PSD3: variants seen among roughly 807,000 people sequenced by gnomAD.
PSD3 encodes the protein PH and SEC7 domain-containing protein 3.
In PSD3, 49 loss-of-function variants were observed where a neutral mutation model predicts 105.5. The ratio of observed to expected loss-of-function variants is 0.46; its 90% CI spans 0.37 to 0.59. PSD3 has a LOEUF of 0.59. PSD3 is among the 20% of genes least tolerant of loss of function. PSD3 has a pLI of 0.00. For missense variants in PSD3, 1,561 were observed against 1,263.8 expected (o/e 1.24, Z -3.57); for synonymous variants, 557 against 457.8 (o/e 1.22, Z -2.77).
intron 9 of PSD3, among the ~76,000 whole-genome samples, chr8:18,683,274 A>T (rs1800484215): frequency 6.6e-6 from 1 of 152,190 alleles, no homozygotes; most frequent in Non-Finnish European, 1.5e-5. Context: ...ACCACTCTAA[A>T]CCTGACATGA....
At chr8:18,741,190 C>G (rs934954653) in intron 9 of PSD3, among the ~76,000 whole-genome samples, 1 of 152,150 alleles carries the variant, frequency 6.6e-6, no homozygotes, top group Non-Finnish European at 1.5e-5. Flanking sequence ...GTACGAGTTA[C>G]GGTCCAGAGA....
rs547823520 is a variant in PSD3 at position 18,995,838 on chromosome 8, C to T, written c.21+17725G>A. ...AGAAACAGCAGGGAAAAACCCACCC[C>T]CATGATTCAATTACCTCCCACCAGG... is the stretch of plus-strand genomic sequence containing the variant. On this transcript the variant is annotated intron_variant, in intron 1 of 15. Transcript: ENST00000327040. Among the ~76,000 whole-genome samples the T allele has an allele frequency of 3.3e-5, 5 of 152,004 alleles. No homozygotes were observed. The South Asian group carries it at 1.1e-3, about 32-fold the overall frequency.
intron 1 of PSD3, among the ~76,000 whole-genome samples, chr8:19,011,022 C>A (rs1366069949): frequency 6.6e-6 from 1 of 151,490 alleles, no homozygotes; most frequent in Non-Finnish European, 1.5e-5. Context: ...AGACTTTGGT[C>A]ACCAGATTAT....
At chr8:18,786,015 G>A (rs896481973) in intron 8 of PSD3, among the ~76,000 whole-genome samples, 2 of 152,176 alleles carry the variant, frequency 1.3e-5, no homozygotes, top group East Asian at 1.9e-4. Context: ...ACTGCAAAGT[G>A]TAATAAAGCA....
At chr8:19,005,687 C>CT (rs1256061258) in intron 1 of PSD3, among the ~76,000 whole-genome samples, 1 of 151,864 alleles carries the variant, frequency 6.6e-6, no homozygotes, top group Non-Finnish European at 1.5e-5. Flanking sequence ...GGGTCTCACT[C>CT]TATGTTGCCC....
intron 1 of PSD3, among the ~76,000 whole-genome samples, chr8:19,038,568 C>A (rs1375101043): frequency 6.6e-6 from 1 of 152,094 alleles, no homozygotes; most frequent in East Asian, 1.9e-4. Flanking sequence ...TCAAGCGATC[C>A]CCCTGTCTCA....
chr8:18,920,688 C>T (rs1052728936), intron 2 of PSD3, among the ~76,000 whole-genome samples: 1 of 152,148 alleles, frequency 6.6e-6, no homozygotes, highest in African/African-American at 2.4e-5. Flanking sequence ...ACATGAATGT[C>T]CAACAGGACA....
intron 14 of PSD3, among the ~76,000 whole-genome samples, chr8:18,559,927 T>C (rs534497260): frequency 6.6e-6 from 1 of 152,328 alleles, no homozygotes; most frequent in Non-Finnish European, 1.5e-5. Flanking sequence ...ATTTAGGCTA[T>C]ATTTTTACAA....
intron 9 of PSD3, among the ~76,000 whole-genome samples, chr8:18,719,242 G>C (rs887743398): frequency 9.9e-5 from 15 of 152,068 alleles, no homozygotes; most frequent in African/African-American, 3.6e-4. Flanking sequence ...AGTTTCCTGG[G>C]TACAATACAC....
rs192136809 is a variant in PSD3 at position 18,976,334 on chromosome 8, C to T, written c.21+37229G>A. On this transcript the variant is annotated intron_variant, in intron 1 of 15. Transcript: ENST00000327040. ...TTATTATTAAATAAATTACAAATTA[C>T]ATTGAAATACTATTTTTCACCAATT... 2.6e-3 allele frequency among the ~76,000 whole-genome samples: 399 copies of T among 152,274 alleles called. 2 individuals are homozygous for T. Among genetic ancestry groups the T allele is most frequent in the African/African-American group, 9.2e-3 (381 of 41,552 alleles).
chr8:19,066,211 A>G (rs1829071349), intron 1 of PSD3, among the ~76,000 whole-genome samples: 1 of 152,196 alleles, frequency 6.6e-6, no homozygotes, highest in Non-Finnish European at 1.5e-5. Flanking sequence ...CAACTGGTAG[A>G]TACTAGTTAG....
At chr8:18,562,151 G>A (rs1801430582) in intron 14 of PSD3, among the ~76,000 whole-genome samples, 1 of 152,160 alleles carries the variant, frequency 6.6e-6, no homozygotes, top group African/African-American at 2.4e-5. Context: ...CCATACAGCA[G>A]GCACTGTGCT....
intron 4 of PSD3, among the ~76,000 whole-genome samples, chr8:18,839,407 T>C (rs566708556): frequency 2.0e-4 from 31 of 152,230 alleles, no homozygotes; most frequent in Admixed American, 1.9e-3. Context: ...TTGTAAAAGA[T>C]CTATTGTCCA....
At chr8:18,830,993 G>A (rs1399287491) in intron 4 of PSD3, among the ~76,000 whole-genome samples, 1 of 152,210 alleles carries the variant, frequency 6.6e-6, no homozygotes, top group African/African-American at 2.4e-5. Context: ...TGCCTATCCA[G>A]AAAGCGAGGC....
intron 9 of PSD3, 126 bp from the exon 10 acceptor site, chr8:18,655,811 C>T (rs1808845340): frequency 4.7e-6 from 4 of 845,270 alleles, no homozygotes; most frequent in Middle Eastern, 4.5e-4. Context: ...AGTCACCTTG[C>T]TTTTAGAAAG....
intron 8 of PSD3, among the ~76,000 whole-genome samples, chr8:18,793,215 T>C (rs1331060667): frequency 1.3e-5 from 2 of 151,966 alleles, no homozygotes; most frequent in Non-Finnish European, 2.9e-5. Context: ...GAGATATACC[T>C]AATGTAAATG....
intron 2 of PSD3, among the ~76,000 whole-genome samples, chr8:18,921,175 TCTCA>T (rs577008528): frequency 3.2e-3 from 480 of 152,364 alleles, no homozygotes; most frequent in Non-Finnish European, 5.5e-3. Context: ...AGAATTATCT[TCTCA>T]CTATTAGTAT....
intron 9 of PSD3, among the ~76,000 whole-genome samples, chr8:18,738,824 A>T (rs1240207127): frequency 2.1e-5 from 3 of 141,170 alleles, no homozygotes; most frequent in African/African-American, 5.0e-5. Flanking sequence ...ACCCGCTCCG[A>T]AAAAAAAAAA....
At chr8:18,708,921 G>A (rs1262495288) in intron 9 of PSD3, among the ~76,000 whole-genome samples, 1 of 152,168 alleles carries the variant, frequency 6.6e-6, no homozygotes, top group Non-Finnish European at 1.5e-5. Flanking sequence ...GGTGGAGAGT[G>A]ATCATACTAC....
Sources: allele counts gnomAD v4.1 joint callset (sites outside exome capture counted in the v4.1 genomes callset), GRCh38; gene constraint gnomAD v4.1.1; transcripts MANE v1.5; gene names NCBI Gene and HGNC (gene_info 2026-07-23, HGNC 2026-07-21).